The following ACACA variants were observed in gnomAD, a reference collection of about 807,000 sequenced individuals.
ACACA encodes acetyl-CoA carboxylase alpha, also known as acetyl-CoA carboxylase 1.
In ACACA, 103 loss-of-function variants were observed where a neutral mutation model predicts 296.1. The observed-to-expected ratio is 0.35, with a 90% CI of 0.30 to 0.41. ACACA has a LOEUF of 0.41. Among genes scored for constraint, ACACA ranks in the 10% least tolerant of loss-of-function variants. The pLI is 1.00. For missense variants in ACACA, 1,554 were observed against 2,989.7 expected, an observed-to-expected ratio of 0.52 and a Z score of 11.20; for synonymous variants, 953 against 1,038.6, an observed-to-expected ratio of 0.92 and a Z score of 1.58.
intron 29 of ACACA, among the ~76,000 whole-genome samples, chr17:37,216,190 G>T (rs982949608): frequency 1.4e-5 from 1 of 69,796 alleles, no homozygotes; most frequent in Admixed American, 1.9e-4. Context: ...ATACACACAC[G>T]TGTGTGTGTG....
chr17:37,369,067 TAA>T (rs1445468081), intron 1 of ACACA, among the ~76,000 whole-genome samples: 1 of 152,124 alleles, frequency 6.6e-6, no homozygotes, highest in Non-Finnish European at 1.5e-5. Context: ...AATGAATATA[TAA>T]ATTGTGATAC....
At chr17:37,151,788 A>C (rs886493782) in intron 43 of ACACA, among the ~76,000 whole-genome samples, 3 of 152,098 alleles carry the variant, frequency 2.0e-5, no homozygotes, top group Non-Finnish European at 4.4e-5. Context: ...CAGCCTCCCA[A>C]GTAGCTGGGA....
At chr17:37,170,765 A>C (rs1213643154) in intron 41 of ACACA, among the ~76,000 whole-genome samples, 1 of 152,216 alleles carries the variant, frequency 6.6e-6, no homozygotes, top group African/African-American at 2.4e-5. Context: ...ATCATGACCC[A>C]AAATTAACAC....
intron 1 of ACACA, among the ~76,000 whole-genome samples, chr17:37,347,638 C>T (rs1382695773): frequency 3.3e-5 from 5 of 151,498 alleles, no homozygotes; most frequent in Non-Finnish European, 5.9e-5. Flanking sequence ...TGCGGCGGCT[C>T]GCACCTGTAA....
intron 3 of ACACA, among the ~76,000 whole-genome samples, chr17:37,316,308 C>A (rs2047088299): frequency 6.7e-6 from 1 of 149,250 alleles, no homozygotes; most frequent in Non-Finnish European, 1.5e-5. Context: ...TACATACACA[C>A]ACACACACAC....
intron 29 of ACACA, among the ~76,000 whole-genome samples, chr17:37,218,307 G>A (rs8078876): frequency 4.6e-5 from 7 of 152,032 alleles, no homozygotes; most frequent in South Asian, 2.1e-4. Context: ...TATAGAATAC[G>A]TGCTAAATTT....
At chr17:37,178,109 T>TA (rs2077186338) in intron 41 of ACACA, among the ~76,000 whole-genome samples, 1 of 152,234 alleles carries the variant, frequency 6.6e-6, no homozygotes, top group Non-Finnish European at 1.5e-5. Flanking sequence ...AAGGTTGAAA[T>TA]AAAAATATCT....
chr17:37,319,895 G>A (rs1436356103), intron 3 of ACACA, among the ~76,000 whole-genome samples: 2 of 152,076 alleles, frequency 1.3e-5, no homozygotes, highest in Non-Finnish European at 2.9e-5. Flanking sequence ...AGATTGCAGT[G>A]AGCCAAGATC....
intron 1 of ACACA, among the ~76,000 whole-genome samples, chr17:37,356,620 C>A (rs1336040867): frequency 2.0e-5 from 3 of 151,986 alleles, no homozygotes; most frequent in Non-Finnish European, 4.4e-5. Context: ...CCTTGTGATT[C>A]GCCAGCCTCG....
intron 45 of ACACA, chr17:37,143,865 A>G (rs1043534828): frequency 1.9e-6 from 3 of 1,549,020 alleles, no homozygotes; most frequent in South Asian, 1.1e-5. Context: ...CCTTCTTTTC[A>G]TAAGGCTGCT....
intron 1 of ACACA, chr17:37,387,775 C>T (rs1025000005): frequency 8.5e-5 from 13 of 152,138 alleles, no homozygotes; most frequent in African/African-American, 3.1e-4. Flanking sequence ...CAACAGTCCT[C>T]CTTAAATTGG....
chr17:37,356,987 C>A (rs1295307327), intron 1 of ACACA, among the ~76,000 whole-genome samples: 1 of 152,140 alleles, frequency 6.6e-6, no homozygotes, highest in Non-Finnish European at 1.5e-5. Flanking sequence ...ACATAGTGAT[C>A]TACACCTGAA....
intron 16 of ACACA, 84 bp downstream of exon 16, chr17:37,251,921 G>A (rs1314741440): frequency 1.6e-6 from 2 of 1,278,668 alleles, no homozygotes; most frequent in Non-Finnish European, 2.3e-6. Context: ...GGAATGGACA[G>A]AAGAATAAAT....
At chr17:37,187,113 A>T (rs765625121) in intron 39 of ACACA, among the ~76,000 whole-genome samples, 9 of 151,692 alleles carry the variant, frequency 5.9e-5, no homozygotes, top group African/African-American at 1.9e-4. Context: ...AATATTGAAC[A>T]CTCTTTCTCT....
intron 7 of ACACA, among the ~76,000 whole-genome samples, chr17:37,276,526 A>G (rs2082291265): frequency 6.6e-6 from 1 of 152,238 alleles, no homozygotes; most frequent in Non-Finnish European, 1.5e-5. Flanking sequence ...TGAGACCGAG[A>G]GAAAAATACT....
chr17:37,326,989 G>T (rs970575281), intron 3 of ACACA, among the ~76,000 whole-genome samples: 22 of 152,150 alleles, frequency 1.4e-4, no homozygotes, highest in African/African-American at 5.3e-4. Flanking sequence ...AAACTTGAGA[G>T]AGAGACTCAG....
At chr17:37,261,497 C>T (rs184334177) in intron 11 of ACACA, among the ~76,000 whole-genome samples, 42 of 152,306 alleles carry the variant, frequency 2.8e-4, no homozygotes, top group Admixed American at 7.8e-4. Context: ...CAAAAGCCTG[C>T]GACTGATGAT....
intron 3 of ACACA, among the ~76,000 whole-genome samples, chr17:37,301,741 A>C (rs2083628770): frequency 6.6e-6 from 1 of 152,204 alleles, no homozygotes; most frequent in Non-Finnish European, 1.5e-5. Context: ...AGGTAGTATG[A>C]AGACCTCCAA....
At chr17:37,263,616 T>G (rs947188210) in intron 11 of ACACA, 69 bp downstream of exon 11, 1 of 1,300,762 alleles carries the variant, frequency 7.7e-7, no homozygotes, top group Non-Finnish European at 1.1e-6. Flanking sequence ...TGTTCTCAGA[T>G]TGGTACATGA....
Sources: allele counts gnomAD v4.1 joint callset (sites outside exome capture counted in the v4.1 genomes callset), GRCh38; gene constraint gnomAD v4.1.1; transcripts MANE v1.5; gene names NCBI Gene and HGNC (gene_info 2026-07-23, HGNC 2026-07-21).